MID1: variants seen among roughly 807,000 people sequenced by gnomAD.
The protein encoded by MID1 is E3 ubiquitin-protein ligase Midline-1.
Under a neutral mutation model 40.4 loss-of-function variants are expected in MID1, and 7 were observed. The ratio of observed to expected loss-of-function variants is 0.17; its 90% CI spans 0.10 to 0.33. The LOEUF (loss-of-function observed/expected upper bound fraction) is 0.33, where lower values mean the gene tolerates loss of function less well. Among genes scored for constraint, MID1 ranks in the 10% least tolerant of loss-of-function variants. The pLI is 1.00. For synonymous variants in MID1, 229 were observed against 221.2 expected, an observed-to-expected ratio of 1.04 and a Z score of -0.31; for missense variants, 367 against 558.5, an observed-to-expected ratio of 0.66 and a Z score of 3.46.
chrX:10,553,075 C>G (rs1442731158), intron 2 of MID1, among the ~76,000 whole-genome samples: 1 of 109,856 alleles, frequency 9.1e-6, no homozygotes, highest in East Asian at 2.8e-4. Flanking sequence ...TGGCGAAACC[C>G]CGTCTCTACT....
intron 8 of MID1, among the ~76,000 whole-genome samples, chrX:10,455,400 A>G (rs889311362): frequency 9.8e-5 from 11 of 111,736 alleles, no homozygotes; most frequent in African/African-American, 3.3e-4. Flanking sequence ...TACCAGTTCT[A>G]AGATAGGGAT....
intron 1 of MID1, among the ~76,000 whole-genome samples, chrX:10,817,623 CTT>C (rs749401235): frequency 8.0e-5 from 3 of 37,281 alleles, no homozygotes; most frequent in African/African-American, 2.7e-4. Flanking sequence ...TTTCTTTCTT[CTT>C]TTTTTTTTTT....
chrX:10,758,483 CTTTTTTTTTTTT>C (rs1157401550), intron 1 of MID1, among the ~76,000 whole-genome samples: 1 of 63,873 alleles, frequency 1.6e-5, no homozygotes, highest in African/African-American at 7.8e-5. Flanking sequence ...CTTTTCTTTC[CTTTTTTTTTTTT>C]TTTTTTTTTT....
chrX:10,608,704 G>A (rs186897638), intron 1 of MID1, among the ~76,000 whole-genome samples: 1 of 111,371 alleles, frequency 9.0e-6, no homozygotes, highest in African/African-American at 3.3e-5. Context: ...CACAGCCCTG[G>A]GAAACAAGAT....
At chrX:10,524,380 C>T (rs1173149820) in intron 2 of MID1, among the ~76,000 whole-genome samples, 3 of 110,879 alleles carry the variant, frequency 2.7e-5, no homozygotes, top group Non-Finnish European at 5.7e-5. Context: ...AAATAACTAA[C>T]ACTAATGACA....
chrX:10,610,562 G>A (rs1935719628), intron 1 of MID1, among the ~76,000 whole-genome samples: 1 of 111,338 alleles, frequency 9.0e-6, no homozygotes, highest in Admixed American at 9.5e-5. Flanking sequence ...GAAGAATAAT[G>A]TATGTGAAAG....
intron 9 of MID1, among the ~76,000 whole-genome samples, chrX:10,452,265 C>A (rs192724173): frequency 3.5e-4 from 39 of 111,768 alleles, no homozygotes; most frequent in African/African-American, 1.2e-3. Context: ...TGCATGAACC[C>A]GTTATTACTC....
chrX:10,564,864 C>A (rs181967117), intron 2 of MID1, among the ~76,000 whole-genome samples: 186 of 110,550 alleles, frequency 1.7e-3, no homozygotes, highest in African/African-American at 5.6e-3. Flanking sequence ...AAAGGTAGTG[C>A]AAATCCAATC....
chrX:10,516,343 C>T (rs1011882059), intron 3 of MID1, among the ~76,000 whole-genome samples: 17 of 109,075 alleles, frequency 1.6e-4, no homozygotes, highest in Admixed American at 3.9e-4. Context: ...TACAGGCGCC[C>T]GCCACCATGC....
chrX:10,805,509 G>T (rs1464203150), intron 1 of MID1, among the ~76,000 whole-genome samples: 5 of 105,554 alleles, frequency 4.7e-5, no homozygotes, highest in African/African-American at 7.0e-5. Flanking sequence ...TTTGCTATTG[G>T]GAATAGTGCC....
chrX:10,772,044 C>T (rs907481494), intron 1 of MID1, among the ~76,000 whole-genome samples: 3 of 110,535 alleles, frequency 2.7e-5, no homozygotes, highest in Admixed American at 9.7e-5. Context: ...TGCTTGCACA[C>T]GCATGTTTAT....
intron 1 of MID1, among the ~76,000 whole-genome samples, chrX:10,591,502 G>A (rs773410002): frequency 8.9e-6 from 1 of 111,952 alleles, no homozygotes; most frequent in Non-Finnish European, 1.9e-5. Flanking sequence ...TTAGAATACA[G>A]ACTGGGAAAT....
intron 8 of MID1, among the ~76,000 whole-genome samples, chrX:10,458,700 T>C (rs1413402851): frequency 8.9e-6 from 1 of 111,869 alleles, no homozygotes; most frequent in Non-Finnish European, 1.9e-5. Context: ...CGTAATTCAG[T>C]GCTCTCTTTA....
rs189994116 is a variant in MID1 at position 10,715,022 on chromosome X, G to A, written c.-186-94603C>T. 2.4e-3 allele frequency among the ~76,000 whole-genome samples: 271 copies of A among 112,600 alleles called. 1 individual carries two copies. The highest frequency in any genetic ancestry group is 4.2e-3 in the Non-Finnish European group (223 of 53,343). ...TTTAAAGAAATAATTTAATTGGCAT[G>A]CAATAGAAAGTTATTCTCTTCTTAA... On this transcript the variant is annotated intron_variant, in intron 1 of 10. Transcript: ENST00000380785.
chrX:10,483,840 T>C (rs766402980), intron 4 of MID1, among the ~76,000 whole-genome samples: 1 of 112,167 alleles, frequency 8.9e-6, no homozygotes, highest in South Asian at 3.7e-4. Flanking sequence ...ATTCCAAGTA[T>C]GTACTATAAG....
intron 3 of MID1, among the ~76,000 whole-genome samples, chrX:10,516,016 T>C (rs1002548302): frequency 1.8e-5 from 2 of 111,459 alleles, no homozygotes; most frequent in African/African-American, 6.5e-5. Context: ...TCATTTCTCA[T>C]AAGCTTGTCT....
intron 1 of MID1, among the ~76,000 whole-genome samples, chrX:10,571,181 G>A (rs1180186918): frequency 1.8e-5 from 2 of 112,485 alleles, no homozygotes; most frequent in Non-Finnish European, 3.7e-5. Context: ...TGTCTGTACT[G>A]TAAATGGTTA....
At chrX:10,810,955 G>T (rs773952709) in intron 1 of MID1, among the ~76,000 whole-genome samples, 2 of 110,062 alleles carry the variant, frequency 1.8e-5, no homozygotes, top group African/African-American at 6.6e-5. Flanking sequence ...AATTCCCCTT[G>T]TGCCCTTTGC....
intron 2 of MID1, among the ~76,000 whole-genome samples, chrX:10,543,372 G>C (rs1257392179): frequency 8.9e-6 from 1 of 112,073 alleles, no homozygotes; most frequent in Non-Finnish European, 1.9e-5. Context: ...AGTCATAATA[G>C]TAACAATGAG....
Sources: gnomAD v4.1 joint callset for allele counts (sites outside exome capture counted in the v4.1 genomes callset) on GRCh38, gnomAD v4.1.1 for gene constraint, MANE v1.5 for transcripts, NCBI Gene and HGNC (gene_info 2026-07-23, HGNC 2026-07-21) for gene names.